CCR3: variants seen among roughly 807,000 people sequenced by gnomAD.
The protein encoded by CCR3 is C-C motif chemokine receptor 3.
For missense variants in CCR3, 419 were observed against 437.5 expected (o/e 0.96, Z 0.38); for synonymous variants, 203 against 179.2 (o/e 1.13, Z -1.06).
intron 2 of CCR3, among the ~76,000 whole-genome samples, chr3:46,235,076 G>A (rs1208965574): frequency 6.6e-6 from 1 of 152,222 alleles, no homozygotes; most frequent in Non-Finnish European, 1.5e-5. Context: ...GAATAGCTGG[G>A]AAGCCTTAGC....
chr3:46,220,989 A>C (rs539350889), intron 2 of CCR3, among the ~76,000 whole-genome samples: 3 of 152,354 alleles, frequency 2.0e-5, no homozygotes, highest in East Asian at 3.9e-4. Flanking sequence ...CGTGTTCCCC[A>C]AAAACTATTG....
In CCR3 at chr3:46,266,595, C is replaced by T. The variant is rs201653773; in HGVS notation, c.*369C>T. On this transcript the variant is annotated 3_prime_UTR_variant, in exon 2 of 2. Transcript: ENST00000395940. ...CAGCCAGCTATTGATATAAATAAAA[C>T]ATTTTCACACAATACAATAAGTTAA... The T allele has an allele frequency of 4.6e-4, 89 of 193,646 alleles. 1 individual carries two copies. Among genetic ancestry groups the T allele is most frequent in the South Asian group, 1.3e-3 (7 of 5,316 alleles). The allele number at this position is 193,646 out of a possible 1,614,324, so 12.0% of individuals were successfully genotyped here. A position where few individuals can be genotyped will look rare whatever the true frequency, so the allele number is the denominator to read the frequency against.
intron 1 of CCR3, among the ~76,000 whole-genome samples, chr3:46,251,434 G>A (rs1046757799): frequency 2.0e-5 from 3 of 152,126 alleles, no homozygotes; most frequent in African/African-American, 7.2e-5. Flanking sequence ...GGAGGTTGGA[G>A]AAGAGAGTAA....
At chr3:46,252,410 C>T (rs190002744) in intron 1 of CCR3, among the ~76,000 whole-genome samples, 1 of 151,976 alleles carries the variant, frequency 6.6e-6, no homozygotes, top group African/African-American at 2.4e-5. Flanking sequence ...AACTCCTGAC[C>T]TCAAATGATC....
intron 1 of CCR3, among the ~76,000 whole-genome samples, chr3:46,254,485 T>C (rs937304763): frequency 7.5e-6 from 1 of 133,170 alleles, no homozygotes; most frequent in African/African-American, 3.0e-5. Context: ...TCAAAGTTCT[T>C]TTTTAAAAAA....
chr3:46,239,742 G>C (rs989888314), upstream of CCR3, among the ~76,000 whole-genome samples: 34 of 152,192 alleles, frequency 2.2e-4, no homozygotes, highest in African/African-American at 8.0e-4. Flanking sequence ...CGTAGTCCCA[G>C]GTGGAGCAGT....
intron 2 of CCR3, among the ~76,000 whole-genome samples, chr3:46,221,884 A>G (rs1575486314): frequency 6.6e-6 from 1 of 151,904 alleles, no homozygotes; most frequent in Non-Finnish European, 1.5e-5. Context: ...TGGGCCCCTG[A>G]CTGGCCGCCA....
At chr3:46,241,166 G>GCT (rs58133632), upstream of CCR3, among the ~76,000 whole-genome samples, 46 of 149,108 alleles carry the variant, frequency 3.1e-4, no homozygotes, top group South Asian at 6.4e-4. Flanking sequence ...ATGTGTGTGC[G>GCT]CTCTCTCTCT....
chr3:46,244,279 C>CAAATTAA (rs1700150351), intron 1 of CCR3, among the ~76,000 whole-genome samples: 1 of 152,170 alleles, frequency 6.6e-6, no homozygotes, highest in Admixed American at 6.5e-5. Flanking sequence ...TTACAAATTA[C>CAAATTAA]ATTTTTAAGT....
chr3:46,227,312 A>G (rs1699912044), intron 2 of CCR3, among the ~76,000 whole-genome samples: 1 of 147,840 alleles, frequency 6.8e-6, no homozygotes, highest in African/African-American at 2.5e-5. Context: ...ATTCCTTTTA[A>G]TGGCTGAAGA....
At chr3:46,223,666 C>T (rs565384821) in intron 2 of CCR3, among the ~76,000 whole-genome samples, 1 of 152,228 alleles carries the variant, frequency 6.6e-6, no homozygotes, top group Non-Finnish European at 1.5e-5. Context: ...ACAGTTTGAC[C>T]TCTTTTATTC....
chr3:46,237,172 T>G (rs1255415646), intron 2 of CCR3, among the ~76,000 whole-genome samples: 1 of 152,234 alleles, frequency 6.6e-6, no homozygotes, highest in Admixed American at 6.5e-5. Flanking sequence ...AGTGCTGCAG[T>G]AAACACGGTG....
chr3:46,254,633 T>TC (rs1351276891), intron 1 of CCR3, among the ~76,000 whole-genome samples: 1 of 105,824 alleles, frequency 9.4e-6, no homozygotes, highest in Non-Finnish European at 2.4e-5. Flanking sequence ...TATCCCTCAC[T>TC]CCCCTCCCAT....
At chr3:46,251,085 G>A (rs1700299946) in intron 1 of CCR3, among the ~76,000 whole-genome samples, 1 of 151,950 alleles carries the variant, frequency 6.6e-6, no homozygotes, top group African/African-American at 2.4e-5. Context: ...CAGAAAAGCA[G>A]AGAAGGGGTA....
chr3:46,252,257 A>G (rs1168655341), intron 1 of CCR3, among the ~76,000 whole-genome samples: 4 of 148,100 alleles, frequency 2.7e-5, no homozygotes. Context: ...CTCACAGCAA[A>G]CTCCGCATCC....
At chr3:46,212,790 G>C (rs1699731744) in intron 2 of CCR3, among the ~76,000 whole-genome samples, 1 of 152,164 alleles carries the variant, frequency 6.6e-6, no homozygotes, top group Admixed American at 6.5e-5. Context: ...GGGCACATCA[G>C]TGTGAGATCC....
intron 2 of CCR3, among the ~76,000 whole-genome samples, chr3:46,217,795 C>G (rs1391992432): frequency 6.6e-6 from 1 of 151,782 alleles, no homozygotes; most frequent in South Asian, 2.1e-4. Context: ...CTGATCAAAA[C>G]CTCTGGGATA....
intron 2 of CCR3, among the ~76,000 whole-genome samples, chr3:46,232,423 G>A (rs1236076406): frequency 1.3e-5 from 2 of 152,200 alleles, no homozygotes; most frequent in African/African-American, 2.4e-5. Context: ...GGAACCAAGC[G>A]GTAGTAGACG....
chr3:46,241,668 C>A (rs986307454), upstream of CCR3, among the ~76,000 whole-genome samples: 2 of 152,150 alleles, frequency 1.3e-5, no homozygotes, highest in African/African-American at 4.8e-5. Flanking sequence ...TAAATTACTA[C>A]CCCCAGCTTA....
Sources: allele counts gnomAD v4.1 joint callset (sites outside exome capture counted in the v4.1 genomes callset), GRCh38; gene constraint gnomAD v4.1.1; transcripts MANE v1.5; gene names NCBI Gene and HGNC (gene_info 2026-07-23, HGNC 2026-07-21).